SPOCK1: variants seen among roughly 807,000 people sequenced by gnomAD.
The protein encoded by SPOCK1 is testican-1.
Under a neutral mutation model 55.3 loss-of-function variants are expected in SPOCK1, and 23 were observed. That is an observed-to-expected ratio of 0.42 (90% CI 0.30 to 0.59). The LOEUF (loss-of-function observed/expected upper bound fraction) is 0.59. Ranked by LOEUF, SPOCK1 falls within the 20% of genes least tolerant of loss-of-function variation. The pLI is 0.22. For synonymous variants in SPOCK1, 226 were observed against 221.0 expected (o/e 1.02, Z -0.20); for missense variants, 499 against 552.5 (o/e 0.90, Z 0.97).
At chr5:137,088,372 TG>T in intron 5 of SPOCK1, among the ~76,000 whole-genome samples, 1 of 152,382 alleles carries the variant, frequency 6.6e-6, no homozygotes, top group African/African-American at 2.4e-5. Flanking sequence ...TGTTTTCCTT[TG>T]CTCAGCAATT....
intron 4 of SPOCK1, among the ~76,000 whole-genome samples, chr5:137,120,721 G>T (rs546173434): frequency 1.3e-5 from 2 of 152,112 alleles, no homozygotes; most frequent in East Asian, 3.8e-4. Flanking sequence ...ATTCTCTTGC[G>T]ACCATGTATC....
intron 3 of SPOCK1, among the ~76,000 whole-genome samples, chr5:137,218,286 A>G (rs1164703324): frequency 6.6e-6 from 1 of 152,238 alleles, no homozygotes; most frequent in East Asian, 1.9e-4. Context: ...AGATCTCCCT[A>G]TGCAAAGGAC....
rs181526266 is a variant in SPOCK1 at position 137,266,871 on chromosome 5, C to T, written c.232+139G>A. 28 of 658,012 alleles carry T rather than the reference C, an allele frequency of 4.3e-5. No individual in the cohort carries two copies. In the African/African-American group the frequency reaches 4.9e-4, roughly 11 times the overall value. 40.8% of individuals were successfully genotyped at this position (658,012 alleles called of 1,614,324 possible). A position where few individuals can be genotyped will look rare whatever the true frequency, so the allele number is the denominator to read the frequency against. On this transcript the variant is annotated intron_variant, in intron 3 of 10. Transcript: ENST00000394945. ...ATTTGATAAAATAATTTCTATCACC[C>T]CAGTCAATTCAGTCCCCAAAGTCAA...
At position 137,417,930 on chromosome 5, in the gene SPOCK1, A is replaced by T. The variant is rs140181229; in HGVS notation, c.186+80443T>A. Among the ~76,000 whole-genome samples the T allele has an allele frequency of 8.3e-3, 1,266 of 152,234 alleles. 19 individuals are homozygous for T. Among genetic ancestry groups the T allele is most frequent in the East Asian group, 0.069 (359 of 5,182 alleles). On this transcript the variant is annotated intron_variant, in intron 2 of 10. Coordinates refer to ENST00000394945, the MANE Select transcript of SPOCK1 (RefSeq NM_004598.4). The stretch of plus-strand genomic sequence containing the variant: ...TAACTTGTCATTTAACATTAGGTAT[A>T]TCTCCTAATGCTATTCCTCCCCCCT...
At chr5:137,148,337 G>A (rs563966199) in intron 3 of SPOCK1, among the ~76,000 whole-genome samples, 1 of 152,318 alleles carries the variant, frequency 6.6e-6, no homozygotes, top group Non-Finnish European at 1.5e-5. Context: ...TACATGTCCT[G>A]ATCATTAGAA....
In SPOCK1 at chr5:136,992,499, T is replaced by C; in HGVS notation, c.691A>G (p.Asn231Asp). Residue 231 changes from asparagine to aspartate, a missense_variant, in exon 7 of 11, where the codon AAC becomes GAC. Asn to Asp is a conservative substitution (Grantham distance 23, BLOSUM62 1). Coordinates refer to ENST00000394945, the MANE Select transcript of SPOCK1 (RefSeq NM_004598.4). ...ANRVIKPTSS[N>D]TAQGRFDTSI... is the part of the protein sequence containing the mutation. Reference sequence around the variant, plus strand: ...ATGGTCTTACTGCCTTGGGCTGTGTTGGAGCTGGTGGGCTTGATGACTCTG... The same window carrying C: ...ATGGTCTTACTGCCTTGGGCTGTGTCGGAGCTGGTGGGCTTGATGACTCTG... 6.2e-7 allele frequency: 1 copy of C among 1,613,088 alleles called. No individual in the cohort carries two copies. The highest frequency in any genetic ancestry group is 8.5e-7 in the Non-Finnish European group (1 of 1,179,482).
intron 7 of SPOCK1, among the ~76,000 whole-genome samples, chr5:136,989,546 C>CTTAA (rs1293448161): frequency 3.9e-5 from 6 of 152,170 alleles, no homozygotes. Context: ...GCACTTTGTA[C>CTTAA]TTAATTTTCT....
intron 3 of SPOCK1, among the ~76,000 whole-genome samples, chr5:137,189,080 A>G (rs1170371970): frequency 6.6e-6 from 1 of 152,264 alleles, no homozygotes; most frequent in Non-Finnish European, 1.5e-5. Flanking sequence ...GCTAGCAGAT[A>G]TTGGTTCATG....
chr5:137,215,825 T>C (rs897449840), intron 3 of SPOCK1, among the ~76,000 whole-genome samples: 1 of 152,164 alleles, frequency 6.6e-6, no homozygotes, highest in Non-Finnish European at 1.5e-5. Flanking sequence ...TGCATAACGG[T>C]TCATTTCAGA....
intron 3 of SPOCK1, among the ~76,000 whole-genome samples, chr5:137,199,511 G>C (rs1187507941): frequency 1.3e-5 from 2 of 152,098 alleles, no homozygotes; most frequent in African/African-American, 4.8e-5. Flanking sequence ...AACCTCATGA[G>C]CTCTGAGTCC....
intron 2 of SPOCK1, among the ~76,000 whole-genome samples, chr5:137,351,859 G>C (rs1257564061): frequency 6.6e-6 from 1 of 152,196 alleles, no homozygotes; most frequent in African/African-American, 2.4e-5. Context: ...AAAATTAAAG[G>C]ATGGGCATGT....
At chr5:137,240,976 A>G (rs1756269850) in intron 3 of SPOCK1, among the ~76,000 whole-genome samples, 1 of 152,220 alleles carries the variant, frequency 6.6e-6, no homozygotes, top group South Asian at 2.1e-4. Flanking sequence ...AAAAAAATGT[A>G]TATTCAACTA....
In SPOCK1 at chr5:137,165,430, C is replaced by T. The variant is rs145507674; in HGVS notation, c.233-24736G>A. Among the ~76,000 whole-genome samples the T allele has an allele frequency of 6.6e-4, 100 of 152,266 alleles. 1 individual carries two copies. Among genetic ancestry groups the T allele is most frequent in the African/African-American group, 2.0e-3 (83 of 41,550 alleles). On this transcript the variant is annotated intron_variant, in intron 3 of 10. Transcript: ENST00000394945. Reference sequence around the variant, plus strand: ...AAGTCTTTGCAAATATCTGAAAAGCCTTCCCAAGAAGGATGGGCACAAACA... The same window carrying T: ...AAGTCTTTGCAAATATCTGAAAAGCTTTCCCAAGAAGGATGGGCACAAACA...
intron 2 of SPOCK1, among the ~76,000 whole-genome samples, chr5:137,394,102 T>C (rs1156550842): frequency 1.3e-5 from 2 of 152,224 alleles, no homozygotes; most frequent in Non-Finnish European, 2.9e-5. Flanking sequence ...AATGCTTCCT[T>C]CTCTGAATCC....
intron 2 of SPOCK1, among the ~76,000 whole-genome samples, chr5:137,444,591 A>G (rs1753082457): frequency 6.6e-6 from 1 of 152,110 alleles, no homozygotes. Context: ...CCTCAGCAAC[A>G]AGCTCCTGAG....
At chr5:137,105,050 C>T (rs1753339324) in intron 5 of SPOCK1, among the ~76,000 whole-genome samples, 1 of 152,128 alleles carries the variant, frequency 6.6e-6, no homozygotes, top group African/African-American at 2.4e-5. Context: ...CTCTTTTCCC[C>T]ACTACCATCC....
At chr5:137,039,035 G>A (rs557218239) in intron 6 of SPOCK1, among the ~76,000 whole-genome samples, 10 of 152,094 alleles carry the variant, frequency 6.6e-5, no homozygotes, top group African/African-American at 9.7e-5. Context: ...AGATGATGAT[G>A]ATCGTGGTGG....
rs1750650101 is a variant in SPOCK1, at chr5:136,978,027, T to C, written c.*627A>G. ...GCATATTTATGCATGTACAGGGAAG[T>C]ATCCAGACACCAATTTTTAATAAAA... On this transcript the variant is annotated 3_prime_UTR_variant, in exon 11 of 11. Transcript: ENST00000394945. 2.5e-6 allele frequency: 1 copy of C among 398,150 alleles called. No homozygotes were observed. The highest frequency in any genetic ancestry group is 4.4e-6 in the Non-Finnish European group (1 of 226,024). 24.7% of individuals were successfully genotyped at this position (398,150 alleles called of 1,614,324 possible).
At chr5:137,377,098 G>A (rs1329865120) in intron 2 of SPOCK1, among the ~76,000 whole-genome samples, 5 of 152,198 alleles carry the variant, frequency 3.3e-5, no homozygotes, top group African/African-American at 1.2e-4. Context: ...ACGGGCAGTG[G>A]ATAAGCCCTC....
Sources: allele counts gnomAD v4.1 joint callset (sites outside exome capture counted in the v4.1 genomes callset), GRCh38; gene constraint gnomAD v4.1.1; transcripts MANE v1.5; gene names NCBI Gene and HGNC (gene_info 2026-07-23, HGNC 2026-07-21).